Variants in CSMD1 observed in about 807,000 individuals in gnomAD.
CSMD1 encodes CUB and sushi domain-containing protein 1.
A neutral mutation model predicts 417.5 loss-of-function variants in CSMD1; 213 were observed. The ratio of observed to expected loss-of-function variants is 0.51; its 90% CI spans 0.46 to 0.57. The LOEUF (loss-of-function observed/expected upper bound fraction) is 0.57, where lower values mean the gene tolerates loss of function less well. Ranked by LOEUF, CSMD1 falls within the 20% of genes least tolerant of loss-of-function variation. The pLI is 0.00. For synonymous variants in CSMD1, 2,862 were observed against 1,736.8 expected (o/e 1.65, Z -16.11); for missense variants, 6,923 against 4,529.7 (o/e 1.53, Z -15.17).
At chr8:3,831,901 A>T (rs1802399758) in intron 5 of CSMD1, among the ~76,000 whole-genome samples, 1 of 152,198 alleles carries the variant, frequency 6.6e-6, no homozygotes. Flanking sequence ...TAACCCAGAA[A>T]TATCAAGACT....
At chr8:4,398,390 T>TC (rs1482743798) in intron 3 of CSMD1, among the ~76,000 whole-genome samples, 7 of 137,666 alleles carry the variant, frequency 5.1e-5, no homozygotes, top group East Asian at 2.1e-4. Context: ...TGCAACTTCT[T>TC]TTTTTTTTTT....
chr8:4,564,560 G>C (rs568601033), intron 2 of CSMD1, among the ~76,000 whole-genome samples: 2 of 152,200 alleles, frequency 1.3e-5, no homozygotes, highest in African/African-American at 2.4e-5. Flanking sequence ...AATTTTATAA[G>C]CATAAATACT....
rs527508193 is a variant in CSMD1, at chr8:4,860,206, A to G, written c.85+134126T>C. ...TATTCTCACTCATAGGTGGGAACTG[A>G]ACAAGGAGATCACATGGACACAGGA... On this transcript the variant is annotated intron_variant, in intron 1 of 69. Transcript: ENST00000635120. Among the ~76,000 whole-genome samples the G allele has an allele frequency of 1.0e-4, 15 of 143,702 alleles. No homozygotes were observed. The South Asian group carries it at 3.4e-3, about 32-fold the overall frequency. 94.3% of individuals were successfully genotyped at this position (143,702 alleles called of 152,430 possible).
At chr8:4,311,475 C>A (rs1483683614) in intron 3 of CSMD1, among the ~76,000 whole-genome samples, 1 of 152,110 alleles carries the variant, frequency 6.6e-6, no homozygotes, top group African/African-American at 2.4e-5. Flanking sequence ...GTAATCCCAG[C>A]ATTTCAGAAG....
At chr8:3,087,350 T>A in intron 48 of CSMD1, 65 bp from the exon 49 acceptor site, 2 of 1,493,850 alleles carry the variant, frequency 1.3e-6, no homozygotes, top group Non-Finnish European at 1.9e-6. Context: ...TGCCATTGCC[T>A]TTGTGAGAGT....
intron 1 of CSMD1, among the ~76,000 whole-genome samples, chr8:4,786,052 C>G (rs1429317709): frequency 6.6e-6 from 1 of 152,086 alleles, no homozygotes; most frequent in African/African-American, 2.4e-5. Flanking sequence ...AACATTTGTA[C>G]ATAAATTATA....
At chr8:4,125,452 C>T (rs1802708431) in intron 3 of CSMD1, among the ~76,000 whole-genome samples, 1 of 152,284 alleles carries the variant, frequency 6.6e-6, no homozygotes, top group East Asian at 1.9e-4. Flanking sequence ...TGTCCCATGT[C>T]TCCCTAAAAT....
chr8:3,315,120 T>C lies in CSMD1; in HGVS notation c.3632-6617A>G, dbSNP rs112730768. 2.9e-3 allele frequency among the ~76,000 whole-genome samples: 442 copies of C among 152,314 alleles called. 1 individual carries two copies. The highest frequency in any genetic ancestry group is 5.4e-3 in the Non-Finnish European group (364 of 68,024). Reference sequence around the variant, plus strand: ...CTAAGACATTTCAATTGGGATAATGTACTTCTTTGGCAAAAATCTCTTTAA... The same window carrying C: ...CTAAGACATTTCAATTGGGATAATGCACTTCTTTGGCAAAAATCTCTTTAA... On this transcript the variant is annotated intron_variant, in intron 23 of 69. Transcript: ENST00000635120.
rs968373035 is a variant in CSMD1, at chr8:4,441,843, T to A, written c.303-21778A>T. On this transcript the variant is annotated intron_variant, in intron 2 of 69. Coordinates refer to ENST00000635120, the MANE Select transcript of CSMD1 (RefSeq NM_033225.6). ...CACTGAAGTTTGAGTAATAAAAGCA[T>A]GAACGAAAATTCCAGAAAGATTTGA... is the stretch of plus-strand genomic sequence containing the variant. Among the ~76,000 whole-genome samples, 8 of 152,182 alleles carry A rather than the reference T, an allele frequency of 5.3e-5. 1 individual carries two copies. Among genetic ancestry groups the A allele is most frequent in the African/African-American group, 1.9e-4 (8 of 41,440 alleles).
intron 3 of CSMD1, among the ~76,000 whole-genome samples, chr8:4,064,781 A>G (rs1365277): frequency 0.67 from 101,401 of 151,980 alleles, 33,986 homozygotes; most frequent in Admixed American, 0.76. Context: ...GTCCATTTAG[A>G]AACAGCCTTC....
chr8:4,191,873 T>C (rs1159255694), intron 3 of CSMD1, among the ~76,000 whole-genome samples: 3 of 151,828 alleles, frequency 2.0e-5, no homozygotes, highest in South Asian at 4.2e-4. Flanking sequence ...CTCAGCAACA[T>C]CAAAATTTGA....
chr8:4,826,517 G>T (rs950894763), intron 1 of CSMD1, among the ~76,000 whole-genome samples: 2 of 152,072 alleles, frequency 1.3e-5, no homozygotes, highest in Non-Finnish European at 2.9e-5. Flanking sequence ...AATTCATGGG[G>T]TACATGAAAA....
In CSMD1 at chr8:3,188,916, T is replaced by C. The variant is rs530197476; in HGVS notation, c.5494A>G (p.Ile1832Val). The C allele has an allele frequency of 1.9e-6, 3 of 1,598,356 alleles. No homozygotes were observed. The highest frequency in any genetic ancestry group is 4.5e-5 in the East Asian group (2 of 44,460). Residue 1832 changes from isoleucine to valine, a missense_variant, in exon 35 of 70, where the codon ATC becomes GTC. Coordinates refer to ENST00000635120, the MANE Select transcript of CSMD1 (RefSeq NM_033225.6). The part of the protein sequence containing the change: ...YGNNLNCIWK[I>V]IVTEGSGIQI... The stretch of plus-strand genomic sequence containing the variant: ...ATTCCCGAGCCCTCCGTAACTATGA[T>C]CTTCCATATACAGTTCAAGTTGTTT...
chr8:3,941,361 T>A (rs1810870886), intron 5 of CSMD1, among the ~76,000 whole-genome samples: 1 of 152,172 alleles, frequency 6.6e-6, no homozygotes, highest in Admixed American at 6.5e-5. Flanking sequence ...TAATGAATGC[T>A]GATAATAATT....
chr8:3,150,926 T>C (rs2129035572), intron 40 of CSMD1, among the ~76,000 whole-genome samples: 2 of 152,310 alleles, frequency 1.3e-5, no homozygotes, highest in East Asian at 3.9e-4. Flanking sequence ...AAACAACTTA[T>C]TTATTAACCT....
chr8:4,635,897 GA>G (rs1802785960), intron 2 of CSMD1, among the ~76,000 whole-genome samples: 1 of 151,982 alleles, frequency 6.6e-6, no homozygotes, highest in Non-Finnish European at 1.5e-5. Context: ...TACTATGTAT[GA>G]AAGGTAAACA....
chr8:4,772,757 C>G (rs1391688904), intron 1 of CSMD1, among the ~76,000 whole-genome samples: 2 of 152,138 alleles, frequency 1.3e-5, no homozygotes, highest in East Asian at 3.9e-4. Flanking sequence ...CCGGAAGAAC[C>G]TCTTGGCTAA....
At chr8:3,529,098 T>C (rs995989932) in intron 10 of CSMD1, among the ~76,000 whole-genome samples, 4 of 152,204 alleles carry the variant, frequency 2.6e-5, no homozygotes, top group African/African-American at 7.2e-5. Flanking sequence ...TACCGACTTC[T>C]TTGAAAAGTG....
intron 1 of CSMD1, among the ~76,000 whole-genome samples, chr8:4,702,937 A>T (rs1807678381): frequency 6.6e-6 from 1 of 152,188 alleles, no homozygotes; most frequent in South Asian, 2.1e-4. Context: ...AAATGACAAA[A>T]TTACCCTTAG....
Sources: allele counts gnomAD v4.1 joint callset (sites outside exome capture counted in the v4.1 genomes callset), GRCh38; gene constraint gnomAD v4.1.1; transcripts MANE v1.5; gene names NCBI Gene and HGNC (gene_info 2026-07-23, HGNC 2026-07-21).